The following BBS9 variants were observed in gnomAD, a reference collection of about 807,000 sequenced individuals.
BBS9 encodes protein PTHB1.
BBS9 carries 89 observed loss-of-function variants against 117.7 expected under a neutral mutation model. The ratio of observed to expected loss-of-function variants is 0.76; its 90% CI spans 0.64 to 0.90. The LOEUF is 0.90. BBS9 is among the 40% of genes least tolerant of loss of function. The pLI, the probability that BBS9 is intolerant of heterozygous loss-of-function variation, is 0.00. For missense variants in BBS9, 982 were observed against 1,042.2 expected, an observed-to-expected ratio of 0.94 and a Z score of 0.80; for synonymous variants, 379 against 370.9, an observed-to-expected ratio of 1.02 and a Z score of -0.25.
chr7:33,513,670 G>T (rs181127015), intron 20 of BBS9, among the ~76,000 whole-genome samples: 3 of 152,178 alleles, frequency 2.0e-5, no homozygotes, highest in Middle Eastern at 3.4e-3. Context: ...GATGCTAAAA[G>T]ATATAGATAG....
rs192011014 is a variant in BBS9 at position 33,389,556 on chromosome 7, G to A, written c.2115+1412G>A. Among the ~76,000 whole-genome samples the A allele has an allele frequency of 2.0e-5, 3 of 152,004 alleles. No individual in the cohort carries two copies. In the East Asian group the frequency reaches 5.8e-4, roughly 29 times the overall value. On this transcript the variant is annotated intron_variant, in intron 19 of 22. Transcript: ENST00000242067. ...TTCAAACAATTAGCCGGGCATGGTG[G>A]CAGGCACCCATAATCCCAGCTACTC...
At chr7:33,368,705 T>C (rs961154805) in intron 17 of BBS9, among the ~76,000 whole-genome samples, 2 of 151,960 alleles carry the variant, frequency 1.3e-5, no homozygotes, top group African/African-American at 4.8e-5. Flanking sequence ...TTTCTACCCA[T>C]GCATTTGCAG....
At chr7:33,404,329 T>C (rs1829523752) in intron 19 of BBS9, among the ~76,000 whole-genome samples, 1 of 152,200 alleles carries the variant, frequency 6.6e-6, no homozygotes. Flanking sequence ...CGATGTGGGC[T>C]CCTTTTTGGT....
chr7:33,353,093 T>A lies in BBS9; in HGVS notation c.1552+220T>A, dbSNP rs183455915. ...GTTGTTTCGGAGTCATGAGAAAGAA[T>A]GAAATTAGGAGTAAAAATAGAATGT... is the stretch of plus-strand genomic sequence containing the variant. On this transcript the variant is annotated intron_variant, in intron 15 of 22. Coordinates refer to ENST00000242067, the MANE Select transcript of BBS9 (RefSeq NM_198428.3). 2.0e-5 allele frequency among the ~76,000 whole-genome samples: 3 copies of A among 152,216 alleles called. No homozygotes were observed. In the East Asian group the frequency reaches 5.8e-4, roughly 29 times the overall value.
rs75127395 is a variant in BBS9, at chr7:33,504,440, G to A, written c.2116-1023G>A. Among the ~76,000 whole-genome samples the A allele has an allele frequency of 7.0e-3, 1,072 of 152,192 alleles. 16 individuals carry two copies. Among genetic ancestry groups the A allele is most frequent in the African/African-American group, 0.024 (1,012 of 41,544 alleles). On this transcript the variant is annotated intron_variant, in intron 19 of 22. Transcript: ENST00000242067. ...TGTACATTGTACTTGTTTGAATGAT[G>A]ATTTTTTAAAAAGCCCTTTGGGCCC...
chr7:33,238,846 A>G (rs908836025), intron 5 of BBS9, among the ~76,000 whole-genome samples: 4 of 152,108 alleles, frequency 2.6e-5, no homozygotes, highest in Admixed American at 6.6e-5. Context: ...TAATTATTCT[A>G]TTGCAATATA....
At chr7:33,405,699 A>G (rs539139283) in intron 19 of BBS9, among the ~76,000 whole-genome samples, 2 of 152,056 alleles carry the variant, frequency 1.3e-5, no homozygotes, top group African/African-American at 4.8e-5. Flanking sequence ...TATCCCTTTT[A>G]TCATTTTTTA....
chr7:33,582,523 T>TAC (rs141224049), intron 21 of BBS9, among the ~76,000 whole-genome samples: 3,571 of 147,732 alleles, frequency 0.024, 55 homozygotes, highest in African/African-American at 0.046. Flanking sequence ...GTTTCTACAA[T>TAC]ACACACACAC....
chr7:33,627,535 A>G (rs1865699372), intron 21 of BBS9, among the ~76,000 whole-genome samples: 1 of 152,184 alleles, frequency 6.6e-6, no homozygotes. Context: ...GACAGCTTGT[A>G]CCATGTACCT....
intron 20 of BBS9, among the ~76,000 whole-genome samples, chr7:33,510,427 T>C (rs1381916879): frequency 6.6e-6 from 1 of 152,030 alleles, no homozygotes; most frequent in Non-Finnish European, 1.5e-5. Context: ...CCTCTAATCA[T>C]GCTGCACAGA....
rs923203145 is a variant in BBS9 at position 33,174,677 on chromosome 7, A to G, written c.329-2801A>G. ...TATGTTATAGTTCATTATGTACAGA[A>G]AAACCTTTAGGCTGAACTTAAAATA... On this transcript the variant is annotated intron_variant, in intron 4 of 22. Coordinates refer to ENST00000242067, the MANE Select transcript of BBS9 (RefSeq NM_198428.3). Among the ~76,000 whole-genome samples, 3 of 152,266 alleles carry G rather than the reference A, an allele frequency of 2.0e-5. No individual in the cohort carries two copies. In the South Asian group the frequency reaches 6.2e-4, roughly 31 times the overall value.
At chr7:33,432,801 G>C (rs1289556085) in intron 19 of BBS9, among the ~76,000 whole-genome samples, 1 of 150,904 alleles carries the variant, frequency 6.6e-6, no homozygotes, top group East Asian at 2.0e-4. Flanking sequence ...TTTTTTCAAG[G>C]TATTTTCCCT....
In BBS9 at chr7:33,201,480, G is replaced by A. The variant is rs146165712; in HGVS notation, c.442+23889G>A. ...CAGCTCCTCTGTTTTCAGATCCTAC[G>A]TCATCCCACTTTCTGTGGTACCTAG... On this transcript the variant is annotated intron_variant, in intron 5 of 22. Coordinates refer to ENST00000242067, the MANE Select transcript of BBS9 (RefSeq NM_198428.3). 8.6e-5 allele frequency among the ~76,000 whole-genome samples: 13 copies of A among 151,778 alleles called. No homozygotes were observed. In the East Asian group the frequency reaches 1.4e-3, roughly 16 times the overall value.
intron 21 of BBS9, among the ~76,000 whole-genome samples, chr7:33,565,822 T>G: frequency 2.0e-5 from 1 of 48,992 alleles, no homozygotes; most frequent in Non-Finnish European, 3.2e-5. Context: ...TATATATATA[T>G]ATATACCGCT....
intron 4 of BBS9, among the ~76,000 whole-genome samples, chr7:33,165,858 C>T (rs953238826): frequency 1.6e-4 from 24 of 152,130 alleles, no homozygotes; most frequent in African/African-American, 5.6e-4. Context: ...ACTCATTCTC[C>T]GTCAAGCTTT....
At chr7:33,611,778 A>T (rs1216760652) in intron 21 of BBS9, among the ~76,000 whole-genome samples, 4 of 139,584 alleles carry the variant, frequency 2.9e-5, no homozygotes, top group Admixed American at 7.5e-5. Context: ...ATTATTATAT[A>T]ATAATATTAT....
At chr7:33,623,993 A>C (rs1339559564) in intron 21 of BBS9, among the ~76,000 whole-genome samples, 3 of 87,170 alleles carry the variant, frequency 3.4e-5, no homozygotes, top group East Asian at 6.0e-4. Context: ...ATTAAAAAAA[A>C]AAAAATCATA....
At chr7:33,331,945 A>C (rs1187400197) in intron 9 of BBS9, among the ~76,000 whole-genome samples, 1 of 152,200 alleles carries the variant, frequency 6.6e-6, no homozygotes, top group African/African-American at 2.4e-5. Context: ...AGAACTAGAA[A>C]AAACAATCCT....
At chr7:33,481,076 T>C (rs952517273) in intron 19 of BBS9, among the ~76,000 whole-genome samples, 3 of 152,100 alleles carry the variant, frequency 2.0e-5, no homozygotes, top group African/African-American at 7.2e-5. Flanking sequence ...TTTTCTATAG[T>C]AGTGTGAAAA....
Sources: allele counts gnomAD v4.1 joint callset (sites outside exome capture counted in the v4.1 genomes callset), GRCh38; gene constraint gnomAD v4.1.1; transcripts MANE v1.5; gene names NCBI Gene and HGNC (gene_info 2026-07-23, HGNC 2026-07-21).